The following MSL3 variants were observed in gnomAD, a reference collection of about 807,000 sequenced individuals.
MSL3 encodes MSL complex subunit 3.
Under a neutral mutation model 37.2 loss-of-function variants are expected in MSL3, and 5 were observed. The observed-to-expected ratio is 0.13, with a 90% CI of 0.07 to 0.28. The LOEUF (loss-of-function observed/expected upper bound fraction) is 0.28. Among genes scored for constraint, MSL3 ranks in the 10% least tolerant of loss-of-function variants. The pLI, the probability that MSL3 is intolerant of heterozygous loss-of-function variation, is 1.00. For missense variants in MSL3, 315 were observed against 408.5 expected, an observed-to-expected ratio of 0.77 and a Z score of 1.97; for synonymous variants, 149 against 147.6, an observed-to-expected ratio of 1.01 and a Z score of -0.07.
chrX:11,766,286 ACTTT>A (rs1431116636), intron 9 of MSL3: 1 of 756,076 alleles, frequency 1.3e-6, no homozygotes, highest in Non-Finnish European at 1.6e-6. Flanking sequence ...ACAAAAGTTT[ACTTT>A]CTTTTTTTCC....
intron 4 of MSL3, 156 bp downstream of exon 4, chrX:11,761,093 G>C (rs1054610265): frequency 2.3e-6 from 1 of 442,953 alleles, no homozygotes; most frequent in African/African-American, 2.5e-5. Flanking sequence ...GTCAATATAA[G>C]TCAGTAAATC....
chrX:11,768,758 G>A (rs2053207387), intron 10 of MSL3, 76 bp downstream of exon 10: 4 of 668,323 alleles, frequency 6.0e-6, no homozygotes, highest in Non-Finnish European at 9.7e-6. Context: ...GGAAGTCAAG[G>A]TTCTTAAAGC....
chrX:11,765,378 G>A, intron 8 of MSL3, 89 bp from the exon 9 acceptor site: 1 of 1,068,943 alleles, frequency 9.4e-7, no homozygotes, highest in East Asian at 3.0e-5. Flanking sequence ...GACCCTCCTG[G>A]AGTAGAGAGA....
intron 1 of MSL3, 166 bp downstream of exon 1, chrX:11,758,531 G>A (rs2053094414): frequency 2.8e-6 from 3 of 1,062,801 alleles, no homozygotes; most frequent in Non-Finnish European, 3.6e-6. Flanking sequence ...ACGCCCGGGA[G>A]TCGGGGCGGG....
chrX:11,775,124 G>A lies in MSL3; in HGVS notation c.*45G>A, dbSNP rs188868552. On this transcript the variant is annotated 3_prime_UTR_variant, in exon 13 of 13. Transcript: ENST00000312196. ...GAGCAACTGCTCTGTCTAGTTTGGC[G>A]CTCTGGGTTCCAGGTGAATAACTAA... The A allele has an allele frequency of 4.1e-5, 40 of 986,742 alleles. No individual in the cohort carries two copies. Among genetic ancestry groups the A allele is most frequent in the African/African-American group, 1.3e-4 (7 of 52,406 alleles). The allele number at this position is 986,742 out of a possible 1,213,427, so 81.3% of individuals were successfully genotyped here. A position where few individuals can be genotyped will look rare whatever the true frequency, so the allele number is the denominator to read the frequency against.
At chrX:11,767,240 C>T (rs1199522063) in intron 9 of MSL3, 2 of 753,019 alleles carry the variant, frequency 2.7e-6, no homozygotes, top group Non-Finnish European at 3.1e-6. Flanking sequence ...AGAAGGCATA[C>T]CTTTAAGAGA....
At chrX:11,773,630 C>T (rs1479906483) in intron 12 of MSL3, among the ~76,000 whole-genome samples, 1 of 112,345 alleles carries the variant, frequency 8.9e-6, no homozygotes. Context: ...AAACCCACAA[C>T]TCTGTTTGGC....
In MSL3 at chrX:11,765,557, C is replaced by T; in HGVS notation, c.999C>T (p.Ala333=). The T allele has an allele frequency of 8.3e-7, 1 of 1,211,447 alleles. No individual in the cohort carries two copies. Among genetic ancestry groups the T allele is most frequent in the Non-Finnish European group, 1.1e-6 (1 of 895,373 alleles). The change falls in exon 9 of 13, where the codon GCC becomes GCT. Residue 333 remains alanine, a synonymous_variant. Coordinates refer to ENST00000312196, the MANE Select transcript of MSL3 (RefSeq NM_078629.4). Reference sequence around the variant, plus strand: ...GTCAGCCGACCACCGGTGAACCAGCCACCCCCAAAAGGCGCAAAGCTGAGC... The same window carrying T: ...GTCAGCCGACCACCGGTGAACCAGCTACCCCCAAAAGGCGCAAAGCTGAGC... ...TESQPTTGEP[A]TPKRRKAEPE...
chrX:11,771,065 GCCTTTGTTCTGGA>G (rs1487619007), intron 10 of MSL3, among the ~76,000 whole-genome samples: 1 of 112,473 alleles, frequency 8.9e-6, no homozygotes, highest in East Asian at 2.8e-4. Flanking sequence ...GTGAAGCTAG[GCCTTTGTTCTGGA>G]TCCTTCAGGG....
intron 8 of MSL3, chrX:11,764,369 T>G (rs775901962): frequency 8.8e-6 from 1 of 113,753 alleles, no homozygotes; most frequent in East Asian, 2.8e-4. Context: ...GCTAGTAGTA[T>G]TAAATGGGAA....
chrX:11,762,319 A>G (rs2053140750), intron 6 of MSL3, 67 bp downstream of exon 6: 2 of 972,824 alleles, frequency 2.1e-6, no homozygotes, highest in Non-Finnish European at 2.8e-6. Flanking sequence ...GTTTGCAATC[A>G]TAGACGTAAG....
chrX:11,768,438 TTA>T (rs1161658040), intron 9 of MSL3, 133 bp from the exon 10 acceptor site: 1 of 441,800 alleles, frequency 2.3e-6, no homozygotes, highest in Non-Finnish European at 3.9e-6. Flanking sequence ...GTGCTATCTG[TTA>T]GGAAAGTCTT....
intron 5 of MSL3, among the ~76,000 whole-genome samples, 159 bp downstream of exon 5, chrX:11,761,741 T>C (rs2147243921): frequency 8.9e-6 from 1 of 112,483 alleles, no homozygotes; most frequent in African/African-American, 3.2e-5. Flanking sequence ...CAACCCTTAT[T>C]TATAGTCGCC....
chrX:11,759,668 CG>C lies in MSL3; in HGVS notation c.103-123del. The C allele has an allele frequency of 4.4e-6, 5 of 1,129,406 alleles. No homozygotes were observed. In the South Asian group the frequency reaches 1.1e-4, roughly 25 times the overall value. 93.1% of individuals were successfully genotyped at this position (1,129,406 alleles called of 1,213,427 possible). ...AAATGAAAGGAAAAATATTTCAACC[CG>C]GCTGTCGGTCTAAAAGAGGAGAGAA... is the stretch of plus-strand genomic sequence containing the variant. On this transcript the variant is annotated intron_variant, in intron 1 of 12. Coordinates refer to ENST00000312196, the MANE Select transcript of MSL3 (RefSeq NM_078629.4).
Position 11,759,814 on chromosome X carries a change from A to G in MSL3, c.124A>G (p.Lys42Glu). 8.3e-7 allele frequency: 1 copy of G among 1,211,102 alleles called. No homozygotes were observed. The highest frequency in any genetic ancestry group is 1.1e-6 in the Non-Finnish European group (1 of 895,079). Residue 42 changes from lysine to glutamate, a missense_variant, in exon 2 of 13, where the codon AAA becomes GAA. By Grantham distance (56) the Lys-to-Glu change is moderately conservative. Coordinates refer to ENST00000312196, the MANE Select transcript of MSL3 (RefSeq NM_078629.4). ...TCAGATTGTTGATGTTATTGTTGGG[A>G]AAGACGAAAAAGGCAGAAAGATCCC... ...DAKIVDVIVGKDEKGRKIPEY... is the reference protein window; with the variant it reads ...DAKIVDVIVGEDEKGRKIPEY...
chrX:11,763,687 A>T (rs2053153542), intron 7 of MSL3, 93 bp from the exon 8 acceptor site: 3 of 702,882 alleles, frequency 4.3e-6, no homozygotes, highest in Non-Finnish European at 4.3e-6. Context: ...ATTAGATTTA[A>T]AACTGCCCTA....
At position 11,768,628 on chromosome X, in the gene MSL3, A is replaced by G. The variant is rs1427389377; in HGVS notation, c.1227A>G (p.Glu409=). 2 of 1,208,538 alleles carry G rather than the reference A, an allele frequency of 1.7e-6. No homozygotes were observed. The highest frequency in any genetic ancestry group is 3.0e-5 in the East Asian group (1 of 33,852). ...SSPIPLTPSK[E]GSAVFAGFEG... ...CTATTCCTCTGACTCCTAGCAAGGA[A>G]GGGAGTGCTGTGTTTGCTGGCTTTG... is the stretch of plus-strand genomic sequence containing the variant. The change falls in exon 10 of 13, where the codon GAA becomes GAG. Residue 409 remains glutamate (E), a synonymous_variant. Transcript: ENST00000312196.
At chrX:11,760,619 TTAAAGTGTG>T in intron 3 of MSL3, 121 bp downstream of exon 3, 1 of 523,521 alleles carries the variant, frequency 1.9e-6, no homozygotes, top group Non-Finnish European at 2.9e-6. Context: ...TTTTAAATAT[TTAAAGTGTG>T]TAAGGGGAAG....
chrX:11,765,885 G>T, intron 9 of MSL3, 156 bp downstream of exon 9: 1 of 1,115,291 alleles, frequency 9.0e-7, no homozygotes, highest in Non-Finnish European at 1.2e-6. Context: ...TTCTGGAGCT[G>T]TAGAAAGTTG....
Sources: allele counts gnomAD v4.1 joint callset (sites outside exome capture counted in the v4.1 genomes callset), GRCh38; gene constraint gnomAD v4.1.1; transcripts MANE v1.5; gene names NCBI Gene and HGNC (gene_info 2026-07-23, HGNC 2026-07-21).